The following SLC43A2 variants were observed in gnomAD, a reference collection of about 807,000 sequenced individuals.
The protein encoded by SLC43A2 is large neutral amino acids transporter small subunit 4.
SLC43A2 carries 38 observed loss-of-function variants against 63.2 expected under a neutral mutation model. That is an observed-to-expected ratio of 0.60 (90% confidence interval 0.46 to 0.79). The LOEUF (loss-of-function observed/expected upper bound fraction) is 0.79, where lower values mean the gene tolerates loss of function less well. Among genes scored for constraint, SLC43A2 ranks in the 30% least tolerant of loss-of-function variants. The pLI, the probability that SLC43A2 is intolerant of heterozygous loss-of-function variation, is 0.00. For synonymous variants in SLC43A2, 322 were observed against 331.0 expected (o/e 0.97, Z 0.30); for missense variants, 644 against 756.2 (o/e 0.85, Z 1.74).
At chr17:1,592,166 C>T (rs1904879577) in intron 6 of SLC43A2, among the ~76,000 whole-genome samples, 2 of 152,210 alleles carry the variant, frequency 1.3e-5, no homozygotes, top group Admixed American at 6.5e-5. Flanking sequence ...TGGTGGCTCA[C>T]GCCTGTAATC....
chr17:1,579,338 G>A (rs1470623175), intron 11 of SLC43A2, among the ~76,000 whole-genome samples: 2 of 151,130 alleles, frequency 1.3e-5, no homozygotes, highest in South Asian at 4.2e-4. Flanking sequence ...GCGGGCGCCT[G>A]TATTCCCAGC....
At chr17:1,615,842 CAATA>C (rs55746555) in intron 3 of SLC43A2, among the ~76,000 whole-genome samples, 185 of 118,840 alleles carry the variant, frequency 1.6e-3, no homozygotes, top group Middle Eastern at 7.9e-3. Context: ...GACTCCATCT[CAATA>C]AATAAATAAA....
chr17:1,576,345 A>G (rs2075930488), intron 13 of SLC43A2, among the ~76,000 whole-genome samples: 5 of 152,060 alleles, frequency 3.3e-5, no homozygotes, highest in Admixed American at 3.3e-4. Context: ...CGGCCTCTCA[A>G]AGTGCTGGGA....
At chr17:1,629,550 G>A (rs1908995141), upstream of SLC43A2, among the ~76,000 whole-genome samples, 1 of 152,220 alleles carries the variant, frequency 6.6e-6, no homozygotes, top group Non-Finnish European at 1.5e-5. Context: ...GGGATTTGGG[G>A]CTGGTCTGTC....
At chr17:1,589,279 G>C (rs1161348763) in intron 9 of SLC43A2, among the ~76,000 whole-genome samples, 3 of 152,202 alleles carry the variant, frequency 2.0e-5, no homozygotes, top group Admixed American at 1.3e-4. Flanking sequence ...AGCTCTCTCT[G>C]CACACTTTGG....
chr17:1,600,158 T>A (rs1289181140), intron 5 of SLC43A2, among the ~76,000 whole-genome samples: 1,002 of 48,726 alleles, frequency 0.021, 9 homozygotes, highest in African/African-American at 0.053. Context: ...ATATATTTTT[T>A]TTTTTTTTTT....
At position 1,583,854 on chromosome 17, in the gene SLC43A2, A is replaced by G. The variant is rs1308097535; in HGVS notation, c.1218-518T>C. 1.3e-5 allele frequency among the ~76,000 whole-genome samples: 2 copies of G among 152,096 alleles called. No homozygotes were observed. Among genetic ancestry groups the G allele is most frequent in the Non-Finnish European group, 2.9e-5 (2 of 68,014 alleles). On this transcript the variant is annotated intron_variant, in intron 10 of 13. Coordinates refer to ENST00000301335, the MANE Select transcript of SLC43A2 (RefSeq NM_152346.3). This position sits in a 1 kb window ranked among gnomAD's most constrained non-coding sequence, Gnocchi z 5.5. ...CTTGGCTGCAGGACCTGACCTAGAT[A>G]GCACAGCACTGTTTTTTGTTTTGTT...
At chr17:1,580,726 TAA>T (rs942061092) in intron 11 of SLC43A2, among the ~76,000 whole-genome samples, 23 of 130,072 alleles carry the variant, frequency 1.8e-4, no homozygotes, top group Non-Finnish European at 3.3e-4. Context: ...CAGGCCCGGC[TAA>T]TTTTTTTTTT....
In SLC43A2 at chr17:1,613,102, A is replaced by G. The variant is rs557095262; in HGVS notation, c.501+93T>C. 3.7e-5 allele frequency: 43 copies of G among 1,154,976 alleles called. No homozygotes were observed. In the African/African-American group the frequency reaches 6.2e-4, roughly 17 times the overall value. The allele number at this position is 1,154,976 out of a possible 1,614,324, so 71.5% of individuals were successfully genotyped here. On this transcript the variant is annotated intron_variant, in intron 5 of 13. Transcript: ENST00000301335. ...TTGGGACACCCAGGCACATGCAGGCACATGGAAGGCAAGGAAACAGAAACC... is the reference window on the plus strand; with the variant it reads ...TTGGGACACCCAGGCACATGCAGGCGCATGGAAGGCAAGGAAACAGAAACC...
intron 5 of SLC43A2, among the ~76,000 whole-genome samples, chr17:1,598,498 C>G (rs1905545719): frequency 6.6e-6 from 1 of 152,018 alleles, no homozygotes; most frequent in African/African-American, 2.4e-5. Context: ...AGCCTGGCTC[C>G]CTTGGTGCAG....
chr17:1,618,895 G>T (rs932341970), intron 2 of SLC43A2, among the ~76,000 whole-genome samples: 4 of 152,014 alleles, frequency 2.6e-5, no homozygotes, highest in Non-Finnish European at 4.4e-5. Context: ...TGAGGCAAGA[G>T]AATCATTGAA....
intron 9 of SLC43A2, chr17:1,586,928 T>TGCCCCCCCCCCCCCCCCCCCCC: frequency 2.4e-6 from 3 of 1,232,890 alleles, no homozygotes; most frequent in Non-Finnish European, 3.4e-6. Flanking sequence ...TCCCTGACAA[T>TGCCCCCCCCCCCCCCCCCCCCC]CCCCCCCACC....
intron 5 of SLC43A2, among the ~76,000 whole-genome samples, chr17:1,599,827 G>A (rs1286126299): frequency 6.6e-6 from 1 of 151,444 alleles, no homozygotes; most frequent in Non-Finnish European, 1.5e-5. Context: ...GGTGGATCAT[G>A]AGGTCAGGAG....
intron 5 of SLC43A2, among the ~76,000 whole-genome samples, chr17:1,607,291 T>G (rs897111921): frequency 1.3e-5 from 2 of 152,186 alleles, no homozygotes; most frequent in African/African-American, 4.8e-5. Context: ...AAAGTGCCAT[T>G]GTGCCCTGAG....
chr17:1,602,919 C>T (rs545640643), intron 5 of SLC43A2, among the ~76,000 whole-genome samples: 24 of 151,686 alleles, frequency 1.6e-4, no homozygotes, highest in Admixed American at 1.4e-3. Context: ...CCACCACACC[C>T]GGCTAATTTT....
rs1163672781 is a variant in SLC43A2, at chr17:1,616,716, C to A, written c.214G>T (p.Val72Leu). The part of the protein sequence containing the change: ...GGTAEPGHEE[V>L]SWMNGWLSCQ... ...CTGAGCCAGCCGTTCATCCAGCTCA[C>A]CTCCTCGTGCCCCGGCTCTGCTGTG... Residue 72 changes from valine to leucine, a missense_variant, in exon 3 of 14, where the codon GTG becomes TTG. Physicochemically the swap from Val to Leu is conservative, Grantham distance 32. Around this residue, in one of 3 missense-constraint regions of SLC43A2, gnomAD observed 528 missense variants for 623.6 expected, o/e 0.85. Coordinates refer to ENST00000301335, the MANE Select transcript of SLC43A2 (RefSeq NM_152346.3). 6.2e-7 allele frequency: 1 copy of A among 1,614,044 alleles called. No homozygotes were observed. The highest frequency in any genetic ancestry group is 8.5e-7 in the Non-Finnish European group (1 of 1,180,044).
intron 10 of SLC43A2, among the ~76,000 whole-genome samples, chr17:1,584,863 A>G (rs1268953684): frequency 1.3e-5 from 2 of 152,164 alleles, no homozygotes; most frequent in Non-Finnish European, 2.9e-5. Flanking sequence ...CGTTTAACTC[A>G]TCCTCTGATC....
chr17:1,576,274 T>G (rs969761532), intron 13 of SLC43A2, among the ~76,000 whole-genome samples: 6 of 151,798 alleles, frequency 4.0e-5, no homozygotes, highest in Non-Finnish European at 5.9e-5. Context: ...AGTAGAGACC[T>G]GGTTTCACCA....
At chr17:1,629,823 G>A (rs1012808584), upstream of SLC43A2, among the ~76,000 whole-genome samples, 3 of 152,204 alleles carry the variant, frequency 2.0e-5, no homozygotes, top group Non-Finnish European at 2.9e-5. Flanking sequence ...TGATAAGCCC[G>A]GGCTCCGAAA....
Sources: gnomAD v4.1 joint callset for allele counts (sites outside exome capture counted in the v4.1 genomes callset) on GRCh38, gnomAD v4.1.1 for gene constraint, gnomAD v4.1.1 regional missense constraint, Gnocchi (gnomAD v3.1) non-coding constraint, MANE v1.5 for transcripts, NCBI Gene and HGNC (gene_info 2026-07-23, HGNC 2026-07-21) for gene names.